Variants in ELFN1 observed in about 807,000 individuals in gnomAD.
The protein encoded by ELFN1 is protein ELFN1.
ELFN1 carries 6 observed loss-of-function variants against 7.6 expected under a neutral mutation model. That is an observed-to-expected ratio of 0.79 (90% CI 0.43 to 1.56). The LOEUF (loss-of-function observed/expected upper bound fraction) is 1.56. ELFN1 is among the 40% of genes most tolerant of loss of function. The pLI is 0.01. For synonymous variants in ELFN1, 657 were observed against 588.1 expected (o/e 1.12, Z -1.70); for missense variants, 1,169 against 1,232.2 (o/e 0.95, Z 0.77).
In ELFN1 at chr7:1,673,029, C is replaced by T. The variant is rs1172214559; in HGVS notation, c.-549+2675C>T. Among the ~76,000 whole-genome samples, 2 of 152,086 alleles carry T rather than the reference C, an allele frequency of 1.3e-5. No individual in the cohort carries two copies. Among genetic ancestry groups the T allele is most frequent in the African/African-American group, 2.4e-5 (1 of 41,396 alleles). ...AGGCCATAAATTTCCAGGCGTGAAC[C>T]TGGAGCGGATGGTGGCACCGCCGCG... On this transcript the variant is annotated intron_variant, in intron 1 of 3. Transcript: ENST00000424383. This position sits in a 1 kb window ranked among gnomAD's most constrained non-coding sequence, Gnocchi z 4.7.
chr7:1,732,710 G>A (rs1041769956), intron 3 of ELFN1, among the ~76,000 whole-genome samples: 2 of 152,100 alleles, frequency 1.3e-5, no homozygotes, highest in Middle Eastern at 3.2e-3. Flanking sequence ...GGAAGGCCAT[G>A]TCGGTGGGGA....
chr7:1,743,211 C>T (rs2128604855), intron 3 of ELFN1, among the ~76,000 whole-genome samples: 1 of 152,322 alleles, frequency 6.6e-6, no homozygotes, highest in Non-Finnish European at 1.5e-5. Flanking sequence ...TCGCCACATC[C>T]TCTGTGTCCA....
At chr7:1,688,291 A>G (rs957063982) in intron 2 of ELFN1, 141 bp downstream of exon 2, 1 of 151,988 alleles carries the variant, frequency 6.6e-6, no homozygotes, top group African/African-American at 2.4e-5. Context: ...ATGGCTTGCC[A>G]TTTCACTCTT....
At chr7:1,723,452 G>A (rs995803323) in intron 3 of ELFN1, among the ~76,000 whole-genome samples, 4 of 152,192 alleles carry the variant, frequency 2.6e-5, no homozygotes, top group South Asian at 2.1e-4. Context: ...GCTGGGAGGC[G>A]TATTTGTGAG....
intron 3 of ELFN1, among the ~76,000 whole-genome samples, chr7:1,716,850 G>A (rs12535075): frequency 2.0e-5 from 3 of 152,208 alleles, no homozygotes; most frequent in African/African-American, 7.2e-5. Flanking sequence ...AGCCATGGAG[G>A]GGGAGGGGAG....
rs1780813574 is a variant in ELFN1 at position 1,746,765 on chromosome 7, G to T, written c.2169G>T (p.Pro723=). The T allele has an allele frequency of 2.7e-6, 4 of 1,508,102 alleles. No homozygotes were observed. The South Asian group carries it at 3.7e-5, about 14-fold the overall frequency. 93.4% of individuals were successfully genotyped at this position (1,508,102 alleles called of 1,614,324 possible). ...CACCTGCGCCCCCCGGGCCACCGCC[G>T]CCGCCTCCGCACGAGGGCCTGGGGC... ...AEPPAPPGPP[P]PPPHEGLGRK... The change falls in exon 4 of 4, where the codon CCG becomes CCT. Residue 723 remains proline (P), a synonymous_variant. Coordinates refer to ENST00000424383, the MANE Select transcript of ELFN1 (RefSeq NM_001128636.4).
chr7:1,680,601 G>T (rs1397097503), intron 1 of ELFN1, among the ~76,000 whole-genome samples: 1 of 152,168 alleles, frequency 6.6e-6, no homozygotes, highest in African/African-American at 2.4e-5. Context: ...GCACCAGGCA[G>T]TGGTTTTCAT....
chr7:1,737,266 G>A (rs554986868), intron 3 of ELFN1, among the ~76,000 whole-genome samples: 12 of 152,266 alleles, frequency 7.9e-5, no homozygotes, highest in East Asian at 1.9e-4. Context: ...CAGGCCCCAC[G>A]GTGGTCTGTA....
chr7:1,669,382 G>A (rs997164528), upstream of ELFN1, among the ~76,000 whole-genome samples: 1 of 152,030 alleles, frequency 6.6e-6, no homozygotes, highest in Non-Finnish European at 1.5e-5. Context: ...GGCTGCGCGG[G>A]GACTGGAGAG....
rs151258550 is a variant in ELFN1 at position 1,695,834 on chromosome 7, C to T, written c.-456+7684C>T. 9.3e-5 allele frequency among the ~76,000 whole-genome samples: 14 copies of T among 150,340 alleles called. No individual in the cohort carries two copies. Among genetic ancestry groups the T allele is most frequent in the African/African-American group, 3.2e-4 (13 of 40,854 alleles). ...ATTCACAAACATTTACTCAGCAAAT[C>T]TTGTTGGGCCCGCCAGGCCCTAGGG... is the stretch of plus-strand genomic sequence containing the variant. On this transcript the variant is annotated intron_variant, in intron 2 of 3. Coordinates refer to ENST00000424383, the MANE Select transcript of ELFN1 (RefSeq NM_001128636.4). The surrounding 1 kb of genome is among the most constrained non-coding windows in gnomAD (Gnocchi z 5.1).
chr7:1,746,073 G>A lies in ELFN1; in HGVS notation c.1477G>A (p.Ala493Thr). 2 of 1,547,036 alleles carry A rather than the reference G, an allele frequency of 1.3e-6. No individual in the cohort carries two copies. Among genetic ancestry groups the A allele is most frequent in the Non-Finnish European group, 1.7e-6 (2 of 1,145,274 alleles). ...LSQGPLLGPE[A>T]VTRIPYLPAA... ...CCAGGGCCCGCTGCTGGGCCCCGAG[G>A]CCGTGACGCGCATCCCTTACCTGCC... The change falls in exon 4 of 4, where the codon GCC (alanine) becomes ACC (threonine). Residue 493 changes from alanine (A) to threonine (T), a missense_variant. Coordinates refer to ENST00000424383, the MANE Select transcript of ELFN1 (RefSeq NM_001128636.4).
At chr7:1,715,474 C>T (rs867334922) in intron 3 of ELFN1, among the ~76,000 whole-genome samples, 3 of 152,140 alleles carry the variant, frequency 2.0e-5, no homozygotes, top group Admixed American at 6.5e-5. Flanking sequence ...TGGATGGAGT[C>T]GCCCCGTGGG....
At chr7:1,698,592 C>A (rs1458293883) in intron 2 of ELFN1, among the ~76,000 whole-genome samples, 1 of 152,152 alleles carries the variant, frequency 6.6e-6, no homozygotes, top group African/African-American at 2.4e-5. Context: ...CATATTATTT[C>A]TCTCTTTAAT....
At chr7:1,741,619 G>T (rs1006494870) in intron 3 of ELFN1, among the ~76,000 whole-genome samples, 3 of 152,328 alleles carry the variant, frequency 2.0e-5, no homozygotes, top group African/African-American at 7.2e-5. Flanking sequence ...GATGAACCAG[G>T]TGAGCCAGGA....
At chr7:1,714,364 A>T (rs1779763583) in intron 3 of ELFN1, among the ~76,000 whole-genome samples, 1 of 152,124 alleles carries the variant, frequency 6.6e-6, no homozygotes, top group Admixed American at 6.5e-5. Flanking sequence ...GCTGGGCAGC[A>T]TCCCCACCAG....
At chr7:1,675,328 G>A (rs1300797737) in intron 1 of ELFN1, among the ~76,000 whole-genome samples, 1 of 152,204 alleles carries the variant, frequency 6.6e-6, no homozygotes, top group African/African-American at 2.4e-5. Flanking sequence ...CCGAGGGCTC[G>A]GGGGCGGGGG....
intron 2 of ELFN1, among the ~76,000 whole-genome samples, chr7:1,688,548 A>G (rs1452767997): frequency 6.6e-6 from 1 of 152,208 alleles, no homozygotes; most frequent in African/African-American, 2.4e-5. Flanking sequence ...TCCTAGGTAT[A>G]CTAATCCAGT....
chr7:1,732,906 T>C (rs1416629330), intron 3 of ELFN1, among the ~76,000 whole-genome samples: 1 of 152,118 alleles, frequency 6.6e-6, no homozygotes, highest in Admixed American at 6.5e-5. Context: ...TTTTCTTTTC[T>C]TTTTTCTTTT....
chr7:1,703,660 G>T (rs947810789), intron 2 of ELFN1, among the ~76,000 whole-genome samples: 1 of 152,166 alleles, frequency 6.6e-6, no homozygotes, highest in Non-Finnish European at 1.5e-5. Flanking sequence ...GGTGCTGAGC[G>T]GGGGAGATTA....
Sources: gnomAD v4.1 joint callset for allele counts (sites outside exome capture counted in the v4.1 genomes callset) on GRCh38, gnomAD v4.1.1 for gene constraint, Gnocchi (gnomAD v3.1) non-coding constraint, MANE v1.5 for transcripts, NCBI Gene and HGNC (gene_info 2026-07-23, HGNC 2026-07-21) for gene names.